The following ELOA2 variants were observed in gnomAD, a reference collection of about 807,000 sequenced individuals.
The protein encoded by ELOA2 is elongin A2.
For synonymous variants in ELOA2, 497 were observed against 398.8 expected (o/e 1.25, Z -2.94); for missense variants, 1,271 against 979.7 (o/e 1.30, Z -3.97).
Position 47,034,230 on chromosome 18 carries a change from C to T in ELOA2, c.1035G>A (p.Glu345=), listed in dbSNP as rs1288224155. The part of the protein sequence containing the change: ...EEKEQLSNDR[E]TQEGKPPTAH... ...CAGTCGGTGGCTTCCCCTCTTGAGT[C>T]TCTCGGTCGTTGGAAAGCTGCTCTT... Residue 345 remains glutamate, a synonymous_variant, in exon 1 of 1, where the codon GAG becomes GAA. Coordinates refer to ENST00000332567, the MANE Select transcript of ELOA2 (RefSeq NM_016427.3). 3 of 1,613,948 alleles carry T rather than the reference C, an allele frequency of 1.9e-6. No homozygotes were observed. The highest frequency in any genetic ancestry group is 3.3e-5 in the Admixed American group (2 of 60,032).
At position 47,034,736 on chromosome 18, in the gene ELOA2, G is replaced by T; in HGVS notation, c.529C>A (p.Pro177Thr). 1 of 1,613,004 alleles carries T rather than the reference G, an allele frequency of 6.2e-7. No homozygotes were observed. The highest frequency in any genetic ancestry group is 1.3e-5 in the African/African-American group (1 of 75,030). ...TCAGGGCCCTCGGGCATCCGGAGGGGAGCTGTGCGCGTTGGAGAGGCCCGA... is the reference window on the plus strand; with the variant it reads ...TCAGGGCCCTCGGGCATCCGGAGGGTAGCTGTGCGCGTTGGAGAGGCCCGA... ...RYRASPTRTAPLRMPEGPEPA... is the reference protein window; with the variant it reads ...RYRASPTRTATLRMPEGPEPA... The change falls in exon 1 of 1, where the codon CCC becomes ACC. Residue 177 changes from proline to threonine, a missense_variant. Physicochemically the swap from Pro to Thr is conservative, Grantham distance 38 (BLOSUM62 -1). Transcript: ENST00000332567.
rs2060617805 is a variant in ELOA2 at position 47,033,840 on chromosome 18, A to T, written c.1425T>A (p.Asp475Glu). 1 of 1,614,098 alleles carries T rather than the reference A, an allele frequency of 6.2e-7. No individual in the cohort carries two copies. Among genetic ancestry groups the T allele is most frequent in the South Asian group, 1.1e-5 (1 of 91,074 alleles). Residue 475 changes from aspartate (D) to glutamate (E), a missense_variant, in exon 1 of 1, where the codon GAT becomes GAA. Coordinates refer to ENST00000332567, the MANE Select transcript of ELOA2 (RefSeq NM_016427.3). ...TCATGGAGTCAGAATCCGAAAGCGG[A>T]TCGTAGTTGGCCTGCATCCAGGCCT... ...LSEAWMQANY[D>E]PLSDSDSMTS...
rs1258316427 is a variant in ELOA2, at chr18:47,034,412, C to T, written c.853G>A (p.Gly285Arg). 1.2e-6 allele frequency: 2 copies of T among 1,614,102 alleles called. No individual in the cohort carries two copies. The highest frequency in any genetic ancestry group is 8.5e-7 in the Non-Finnish European group (1 of 1,180,044). Residue 285 changes from glycine to arginine, a missense_variant, in exon 1 of 1, where the codon GGG (glycine) becomes AGG (arginine). Transcript: ENST00000332567. ...CGCTGGCCGCTGCCAGCTTGCCCCC[C>T]TTCCTTGTCTGTCTTGAAGTCCGAA... ...QPSDFKTDKE[G>R]GQAGSGQRVP...
chr18:47,033,767 C>G lies in ELOA2; in HGVS notation c.1498G>C (p.Glu500Gln). 2 of 1,614,246 alleles carry G rather than the reference C, an allele frequency of 1.2e-6. No homozygotes were observed. The highest frequency in any genetic ancestry group is 8.5e-7 in the Non-Finnish European group (1 of 1,180,054). ...ACTCTGCGTCCAGGGAAAGCAGCTTCCTCCCGGAACTTTGGTGAAGAGAGT... is the reference window on the plus strand; with the variant it reads ...ACTCTGCGTCCAGGGAAAGCAGCTTGCTCCCGGAACTTTGGTGAAGAGAGT... ...EALSSPKFRE[E>Q]AAFPGRRVNA... Residue 500 changes from glutamate (E) to glutamine (Q), a missense_variant, in exon 1 of 1, where the codon GAA becomes CAA. Transcript: ENST00000332567.
chr18:47,032,808 C>A lies in ELOA2; in HGVS notation c.*195G>T. On this transcript the variant is annotated 3_prime_UTR_variant, in exon 1 of 1. Coordinates refer to ENST00000332567, the MANE Select transcript of ELOA2 (RefSeq NM_016427.3). ...TATCTTCTGAATTCTGAGGTGTTCT[C>A]CAAGCTGGGAGGTAGTGGCTGGGTG... 1 of 987,544 alleles carries A rather than the reference C, an allele frequency of 1.0e-6. No homozygotes were observed. The allele number at this position is 987,544 out of a possible 1,614,324, so 61.2% of individuals were successfully genotyped here.
rs2060558266 is a variant in ELOA2, at chr18:47,033,093, C to G, written c.2172G>C (p.Ala724=). ...LSSSNEHAAP[A]AKTRKQAAKK... Reference sequence around the variant, plus strand: ...TGGCAGCCTGTTTCCGGGTTTTGGCCGCGGGCGCCGCGTGCTCATTGCTGC... The same window carrying G: ...TGGCAGCCTGTTTCCGGGTTTTGGCGGCGGGCGCCGCGTGCTCATTGCTGC... Residue 724 remains alanine, a synonymous_variant, in exon 1 of 1, where the codon GCG becomes GCC. Transcript: ENST00000332567. The G allele has an allele frequency of 6.2e-7, 1 of 1,613,914 alleles. No homozygotes were observed. Among genetic ancestry groups the G allele is most frequent in the Admixed American group, 1.7e-5 (1 of 60,004 alleles).
Position 47,033,118 on chromosome 18 carries a change from C to T in ELOA2, c.2147G>A (p.Ser716Asn). 1 of 1,614,134 alleles carries T rather than the reference C, an allele frequency of 6.2e-7. No individual in the cohort carries two copies. The highest frequency in any genetic ancestry group is 8.5e-7 in the Non-Finnish European group (1 of 1,180,050). ...PEKRANPCLSSSNEHAAPAAK... is the reference protein window; with the variant it reads ...PEKRANPCLSNSNEHAAPAAK... Reference sequence around the variant, plus strand: ...CGCGGGCGCCGCGTGCTCATTGCTGCTGCTCAGGCAGGGGTTGGCCCGCTT... The same window carrying T: ...CGCGGGCGCCGCGTGCTCATTGCTGTTGCTCAGGCAGGGGTTGGCCCGCTT... Residue 716 changes from serine to asparagine, a missense_variant, in exon 1 of 1, where the codon AGC (serine) becomes AAC (asparagine). Coordinates refer to ENST00000332567, the MANE Select transcript of ELOA2 (RefSeq NM_016427.3).
chr18:47,033,116 T>A lies in ELOA2; in HGVS notation c.2149A>T (p.Ser717Cys). The A allele has an allele frequency of 4.3e-6, 7 of 1,614,118 alleles. No individual in the cohort carries two copies. The highest frequency in any genetic ancestry group is 5.9e-6 in the Non-Finnish European group (7 of 1,180,046). The change falls in exon 1 of 1, where the codon AGC becomes TGC. Residue 717 changes from serine (S) to cysteine (C), a missense_variant. By Grantham distance (112) the Ser-to-Cys change is moderately radical. Coordinates refer to ENST00000332567, the MANE Select transcript of ELOA2 (RefSeq NM_016427.3). ...EKRANPCLSS[S>C]NEHAAPAAKT... ...GCCGCGGGCGCCGCGTGCTCATTGC[T>A]GCTGCTCAGGCAGGGGTTGGCCCGC...
Position 47,033,525 on chromosome 18 carries a change from C to T in ELOA2, c.1740G>A (p.Glu580=), listed in dbSNP as rs1271516934. The T allele has an allele frequency of 2.5e-6, 4 of 1,614,074 alleles. No individual in the cohort carries two copies. Among genetic ancestry groups the T allele is most frequent in the African/African-American group, 2.7e-5 (2 of 74,926 alleles). The change falls in exon 1 of 1, where the codon GAG becomes GAA. Residue 580 remains glutamate (E), a synonymous_variant. Transcript: ENST00000332567. The part of the protein sequence containing the change: ...RKKDNHALVR[E]TDELRRNHCF... ...AATGATTCCTCCGTAATTCGTCTGT[C>T]TCTCTAACGAGTGCGTGATTGTCTT...
In ELOA2 at chr18:47,034,425, C is replaced by G. The variant is rs1312674406; in HGVS notation, c.840G>C (p.Lys280Asn). The G allele has an allele frequency of 6.2e-7, 1 of 1,614,090 alleles. No homozygotes were observed. The highest frequency in any genetic ancestry group is 8.5e-7 in the Non-Finnish European group (1 of 1,180,030). The change falls in exon 1 of 1, where the codon AAG (lysine) becomes AAC (asparagine). Residue 280 changes from lysine to asparagine, a missense_variant. By Grantham distance (94) the Lys-to-Asn change is moderately conservative. Coordinates refer to ENST00000332567, the MANE Select transcript of ELOA2 (RefSeq NM_016427.3). ...CAGCTTGCCCCCCTTCCTTGTCTGT[C>G]TTGAAGTCCGAAGGCTGCCTGTCCC... ...SARDRQPSDF[K>N]TDKEGGQAGS...
In ELOA2 at chr18:47,035,450, C is replaced by T. The variant is rs748203673; in HGVS notation, c.-186G>A. 7 of 1,313,286 alleles carry T rather than the reference C, an allele frequency of 5.3e-6. No homozygotes were observed. Among genetic ancestry groups the T allele is most frequent in the Non-Finnish European group, 2.1e-6 (2 of 971,642 alleles). 81.4% of individuals were successfully genotyped at this position (1,313,286 alleles called of 1,614,324 possible). Reference sequence around the variant, plus strand: ...AGCAGGCCACTTGGTCTGGAACGGCCGTCCTTGCAGACAGCTGAGCAGGCC... The same window carrying T: ...AGCAGGCCACTTGGTCTGGAACGGCTGTCCTTGCAGACAGCTGAGCAGGCC... On this transcript the variant is annotated 5_prime_UTR_variant, in exon 1 of 1. Transcript: ENST00000332567.
In ELOA2 at chr18:47,032,618, T is replaced by C. The variant is rs2146934862; in HGVS notation, c.*385A>G. On this transcript the variant is annotated 3_prime_UTR_variant, in exon 1 of 1. Transcript: ENST00000332567. Reference sequence around the variant, plus strand: ...ATTCGGAGTTATCAGTGTCAACTAATGGCTTGTGTGTTTTTGTCTAAGAAG... The same window carrying C: ...ATTCGGAGTTATCAGTGTCAACTAACGGCTTGTGTGTTTTTGTCTAAGAAG... The C allele has an allele frequency of 1.0e-5, 3 of 298,890 alleles. No individual in the cohort carries two copies. Among genetic ancestry groups the C allele is most frequent in the Middle Eastern group, 1.2e-3 (1 of 866 alleles). The allele number at this position is 298,890 out of a possible 1,614,324, so 18.5% of individuals were successfully genotyped here. A position where few individuals can be genotyped will look rare whatever the true frequency, so the allele number is the denominator to read the frequency against.
Position 47,035,298 on chromosome 18 carries a change from C to T in ELOA2, c.-34G>A, listed in dbSNP as rs749400801. On this transcript the variant is annotated 5_prime_UTR_variant, in exon 1 of 1. Coordinates refer to ENST00000332567, the MANE Select transcript of ELOA2 (RefSeq NM_016427.3). Reference sequence around the variant, plus strand: ...AGCTGTGCAGGCGTCGCTGTCCCGGCGGTCGCAGCTCTGTCTTTGGGGCTG... The same window carrying T: ...AGCTGTGCAGGCGTCGCTGTCCCGGTGGTCGCAGCTCTGTCTTTGGGGCTG... 9.3e-6 allele frequency: 15 copies of T among 1,611,488 alleles called. No homozygotes were observed. The highest frequency in any genetic ancestry group is 1.2e-5 in the Non-Finnish European group (14 of 1,179,478).
rs1047894639 is a variant in ELOA2 at position 47,034,223 on chromosome 18, C to T, written c.1042G>A (p.Glu348Lys). ...AAATGAGCAGTCGGTGGCTTCCCCT[C>T]TTGAGTCTCTCGGTCGTTGGAAAGC... The part of the protein sequence containing the change: ...EQLSNDRETQ[E>K]GKPPTAHLDR... Residue 348 changes from glutamate to lysine, a missense_variant, in exon 1 of 1, where the codon GAG (glutamate) becomes AAG (lysine). Physicochemically the swap from Glu to Lys is moderately conservative, Grantham distance 56. Transcript: ENST00000332567. The T allele has an allele frequency of 1.9e-6, 3 of 1,613,956 alleles. No individual in the cohort carries two copies. Among genetic ancestry groups the T allele is most frequent in the Non-Finnish European group, 2.5e-6 (3 of 1,179,808 alleles).
Position 47,034,560 on chromosome 18 carries a change from G to T in ELOA2, c.705C>A (p.Arg235=), listed in dbSNP as rs773167844. ...GCCAATCTCCCTGGGCACACAAGGG[G>T]CGTTTTTCCTGGCGAGACGATTTGT... The part of the protein sequence containing the change: ...KGHKSSRQEK[R]PLCAQGDWHS... Residue 235 remains arginine (R), a synonymous_variant, in exon 1 of 1, where the codon CGC becomes CGA. Transcript: ENST00000332567. The T allele has an allele frequency of 6.2e-6, 10 of 1,614,240 alleles. No homozygotes were observed. The highest frequency in any genetic ancestry group is 6.8e-6 in the Non-Finnish European group (8 of 1,180,030).
Position 47,035,366 on chromosome 18 carries a change from G to T in ELOA2, c.-102C>A, listed in dbSNP as rs2060722643. On this transcript the variant is annotated 5_prime_UTR_variant, in exon 1 of 1. Transcript: ENST00000332567. ...GGTGGCCGGTCCTCGCTGCCCGGTC[G>T]CCAGGCAGCGACCTCGGGATGTGGA... 3.8e-6 allele frequency: 6 copies of T among 1,571,076 alleles called. No individual in the cohort carries two copies. Among genetic ancestry groups the T allele is most frequent in the Middle Eastern group, 4.7e-4 (2 of 4,288 alleles).
Position 47,032,954 on chromosome 18 carries a change from G to A in ELOA2, c.*49C>T, listed in dbSNP as rs1388139154. ...TCGTTCCCCAACCCGCATTGACTTT[G>A]CCAATGCAAAAATCCCCCCAGATTT... On this transcript the variant is annotated 3_prime_UTR_variant, in exon 1 of 1. Coordinates refer to ENST00000332567, the MANE Select transcript of ELOA2 (RefSeq NM_016427.3). 1.1e-5 allele frequency: 18 copies of A among 1,613,068 alleles called. No individual in the cohort carries two copies. Among genetic ancestry groups the A allele is most frequent in the Non-Finnish European group, 1.5e-5 (18 of 1,179,926 alleles).
chr18:47,033,842 C>T lies in ELOA2; in HGVS notation c.1423G>A (p.Asp475Asn). Residue 475 changes from aspartate to asparagine, a missense_variant, in exon 1 of 1, where the codon GAT (aspartate) becomes AAT (asparagine). Asp to Asn is a conservative substitution (Grantham distance 23). Transcript: ENST00000332567. ...LSEAWMQANY[D>N]PLSDSDSMTS... The stretch of plus-strand genomic sequence containing the variant: ...ATGGAGTCAGAATCCGAAAGCGGAT[C>T]GTAGTTGGCCTGCATCCAGGCCTCT... The T allele has an allele frequency of 1.2e-6, 2 of 1,614,144 alleles. No homozygotes were observed. Among genetic ancestry groups the T allele is most frequent in the Non-Finnish European group, 8.5e-7 (1 of 1,180,044 alleles).
rs569171844 is a variant in ELOA2, at chr18:47,034,394, C to A, written c.871G>T (p.Gly291Cys). The A allele has an allele frequency of 6.2e-7, 1 of 1,614,026 alleles. No individual in the cohort carries two copies. The highest frequency in any genetic ancestry group is 1.7e-5 in the Admixed American group (1 of 60,030). ...TCCTCCAAGGCAGGGACACGCTGGC[C>A]GCTGCCAGCTTGCCCCCCTTCCTTG... ...TDKEGGQAGS[G>C]QRVPALEEAP... Residue 291 changes from glycine to cysteine, a missense_variant, in exon 1 of 1, where the codon GGC (glycine) becomes TGC (cysteine). Transcript: ENST00000332567.
Sources: allele counts gnomAD v4.1 joint callset, GRCh38; gene constraint gnomAD v4.1.1; transcripts MANE v1.5; gene names NCBI Gene and HGNC (gene_info 2026-07-23, HGNC 2026-07-21).